Variants in AGBL4 observed in about 807,000 individuals in gnomAD.
AGBL4 encodes AGBL carboxypeptidase 4.
Under a neutral mutation model 66.4 loss-of-function variants are expected in AGBL4, and 58 were observed. The ratio of observed to expected loss-of-function variants is 0.87; its 90% confidence interval spans 0.71 to 1.09. The LOEUF is 1.09. AGBL4 is among the 50% of genes least tolerant of loss of function. The pLI is 0.00. For synonymous variants in AGBL4, 234 were observed against 222.9 expected, an observed-to-expected ratio of 1.05 and a Z score of -0.44; for missense variants, 579 against 631.0, an observed-to-expected ratio of 0.92 and a Z score of 0.88.
intron 3 of AGBL4, among the ~76,000 whole-genome samples, chr1:49,591,043 A>G (rs968211000): frequency 6.6e-6 from 1 of 152,100 alleles, no homozygotes; most frequent in Non-Finnish European, 1.5e-5. Context: ...TTAAATGACT[A>G]TATCTGAAAC....
chr1:49,317,128 AC>A lies in AGBL4; in HGVS notation c.283-71265del, dbSNP rs1476872861. 2.6e-5 allele frequency among the ~76,000 whole-genome samples: 4 copies of A among 151,902 alleles called. 1 individual carries two copies. The highest frequency in any genetic ancestry group is 4.8e-5 in the African/African-American group (2 of 41,416). The stretch of plus-strand genomic sequence containing the variant: ...AAAGTAAAATTACACCAACATGTTA[AC>A]TTTGTTTATGTATTTTTAAATTGGG... On this transcript the variant is annotated intron_variant, in intron 3 of 13. Coordinates refer to ENST00000371839, the MANE Select transcript of AGBL4 (RefSeq NM_032785.4).
At chr1:49,445,533 T>C (rs1646134876) in intron 3 of AGBL4, among the ~76,000 whole-genome samples, 1 of 152,160 alleles carries the variant, frequency 6.6e-6, no homozygotes, top group Admixed American at 6.5e-5. Flanking sequence ...TTCCTCATTT[T>C]GTTTTATTTT....
chr1:49,784,777 A>G (rs947003796), intron 2 of AGBL4, among the ~76,000 whole-genome samples: 6 of 152,052 alleles, frequency 3.9e-5, no homozygotes, highest in Admixed American at 1.3e-4. Flanking sequence ...AGTTAATAAT[A>G]AAAAGATAAA....
At chr1:48,546,017 G>C (rs1419983199) in intron 11 of AGBL4, among the ~76,000 whole-genome samples, 1 of 152,198 alleles carries the variant, frequency 6.6e-6, no homozygotes, top group Non-Finnish European at 1.5e-5. Flanking sequence ...TTATAGCCTA[G>C]AGAAGGAAAC....
intron 5 of AGBL4, among the ~76,000 whole-genome samples, chr1:48,963,671 C>A (rs1394336485): frequency 6.6e-6 from 1 of 152,020 alleles, no homozygotes; most frequent in Non-Finnish European, 1.5e-5. Context: ...AAATAAATGA[C>A]CTCACAGCAT....
chr1:48,962,129 C>CCATA (rs1410350624), intron 5 of AGBL4, among the ~76,000 whole-genome samples: 2 of 114,086 alleles, frequency 1.8e-5, no homozygotes, highest in African/African-American at 1.1e-4. Context: ...ATCCATCCGT[C>CCATA]CATCCATCCA....
intron 5 of AGBL4, among the ~76,000 whole-genome samples, chr1:48,996,783 G>A (rs1661028111): frequency 1.4e-5 from 2 of 144,146 alleles, no homozygotes; most frequent in Admixed American, 7.1e-5. Context: ...ATAGCCAGAG[G>A]AAAATGTGGG....
chr1:49,555,356 T>C (rs1288306501), intron 3 of AGBL4, among the ~76,000 whole-genome samples: 1 of 151,388 alleles, frequency 6.6e-6, no homozygotes, highest in Non-Finnish European at 1.5e-5. Flanking sequence ...CACAGAGTGC[T>C]GATTGGTGCA....
chr1:49,215,212 T>C (rs577329756), intron 4 of AGBL4, among the ~76,000 whole-genome samples: 1 of 152,232 alleles, frequency 6.6e-6, no homozygotes, highest in South Asian at 2.1e-4. Context: ...CTGTGGGAGT[T>C]TTGCCTTGTT....
At position 49,118,462 on chromosome 1, in the gene AGBL4, T is replaced by C. The variant is rs368241460; in HGVS notation, c.378-72662A>G. On this transcript the variant is annotated intron_variant, in intron 4 of 13. Transcript: ENST00000371839. ...ATTTTGTCAAAGCCCTTTTCTGCGT[T>C]TATAGAGATAATCATGTGTTTATGT... Among the ~76,000 whole-genome samples, 51 of 151,550 alleles carry C rather than the reference T, an allele frequency of 3.4e-4. 1 individual carries two copies. The South Asian group carries it at 9.3e-3, about 28-fold the overall frequency.
chr1:49,560,423 C>T (rs1445310652), intron 3 of AGBL4, among the ~76,000 whole-genome samples: 2 of 151,788 alleles, frequency 1.3e-5, no homozygotes. Flanking sequence ...TTAAAATACA[C>T]AGAGTATTAA....
At chr1:49,313,905 C>T (rs1644988622) in intron 3 of AGBL4, among the ~76,000 whole-genome samples, 1 of 152,134 alleles carries the variant, frequency 6.6e-6, no homozygotes, top group Admixed American at 6.6e-5. Flanking sequence ...GCTTCTGTTG[C>T]CATTGCTTTT....
chr1:48,648,058 T>C (rs751094020), intron 8 of AGBL4, among the ~76,000 whole-genome samples: 2 of 152,192 alleles, frequency 1.3e-5, no homozygotes, highest in Non-Finnish European at 2.9e-5. Context: ...CGGTGGTAAA[T>C]ACACATAACA....
chr1:49,882,985 T>C (rs1399191082), intron 1 of AGBL4, among the ~76,000 whole-genome samples: 2 of 152,102 alleles, frequency 1.3e-5, no homozygotes, highest in Non-Finnish European at 2.9e-5. Flanking sequence ...GCTTAGTACC[T>C]ACCTCTGCCT....
At chr1:49,437,202 T>C (rs1645923414) in intron 3 of AGBL4, among the ~76,000 whole-genome samples, 1 of 152,200 alleles carries the variant, frequency 6.6e-6, no homozygotes, top group African/African-American at 2.4e-5. Context: ...TAGAAGAAGC[T>C]ATCAACCTTA....
chr1:49,227,137 A>C (rs1649974534), intron 4 of AGBL4, among the ~76,000 whole-genome samples: 1 of 152,170 alleles, frequency 6.6e-6, no homozygotes. Flanking sequence ...AGACCATAGA[A>C]TATTGCTTAT....
chr1:48,537,128 C>CA (rs1269081085), intron 12 of AGBL4, among the ~76,000 whole-genome samples: 25 of 151,958 alleles, frequency 1.6e-4, no homozygotes, highest in Admixed American at 1.5e-3. Context: ...GAAAATAATA[C>CA]AAAAAAGGGG....
intron 4 of AGBL4, among the ~76,000 whole-genome samples, chr1:49,113,625 A>G (rs1645458236): frequency 6.6e-6 from 1 of 152,228 alleles, no homozygotes; most frequent in African/African-American, 2.4e-5. Flanking sequence ...ACCTAGACCC[A>G]TCAGAGAAAT....
intron 3 of AGBL4, among the ~76,000 whole-genome samples, chr1:49,553,473 G>A (rs1444373010): frequency 2.6e-5 from 4 of 152,192 alleles, no homozygotes. Flanking sequence ...TTCTAGGGTA[G>A]TCTATAATAG....
Sources: gnomAD v4.1 joint callset for allele counts (sites outside exome capture counted in the v4.1 genomes callset) on GRCh38, gnomAD v4.1.1 for gene constraint, MANE v1.5 for transcripts, NCBI Gene and HGNC (gene_info 2026-07-23, HGNC 2026-07-21) for gene names.